Variants in SHISAL1 observed in about 807,000 individuals in gnomAD.
The protein encoded by SHISAL1 is protein shisa-like-1.
SHISAL1 carries 9 observed loss-of-function variants against 22.6 expected under a neutral mutation model. That is an observed-to-expected ratio of 0.40 (90% CI 0.24 to 0.70). SHISAL1 has a LOEUF of 0.70. Ranked by LOEUF, SHISAL1 falls within the 30% of genes least tolerant of loss-of-function variation. The pLI is 0.39. For synonymous variants in SHISAL1, 119 were observed against 115.4 expected (o/e 1.03, Z -0.20); for missense variants, 246 against 270.6 (o/e 0.91, Z 0.64).
intron 4 of SHISAL1, among the ~76,000 whole-genome samples, chr22:44,269,603 C>T (rs1441862539): frequency 3.3e-5 from 5 of 149,612 alleles, no homozygotes; most frequent in Admixed American, 6.8e-5. Context: ...CACACACACA[C>T]GCCACACAGA....
intron 1 of SHISAL1, among the ~76,000 whole-genome samples, chr22:44,306,613 TC>T (rs2147308298): frequency 8.2e-6 from 1 of 121,624 alleles, no homozygotes; most frequent in Non-Finnish European, 1.7e-5. Context: ...GGAACTGGGC[TC>T]AAGGAGCTGT....
the SHISAL1 span, among the ~76,000 whole-genome samples, chr22:44,331,087 G>A: frequency 6.6e-6 from 1 of 152,110 alleles, no homozygotes; most frequent in East Asian, 1.9e-4. The surrounding 1 kb of genome is among the most constrained non-coding windows in gnomAD (Gnocchi z 5.2). Flanking sequence ...TCCGGTCCCG[G>A]CCGCCGCGTC....
chr22:44,313,065 C>T (rs907585597), upstream of SHISAL1, among the ~76,000 whole-genome samples: 5 of 152,208 alleles, frequency 3.3e-5, no homozygotes, highest in Non-Finnish European at 7.3e-5. Context: ...CGGCTGCTCC[C>T]GCAGTCCCCA....
At chr22:44,304,624 C>T (rs1370940705) in intron 1 of SHISAL1, among the ~76,000 whole-genome samples, 1 of 152,164 alleles carries the variant, frequency 6.6e-6, no homozygotes, top group Non-Finnish European at 1.5e-5. Context: ...GCCTGGGCCT[C>T]CTCCCAGCCT....
the SHISAL1 span, among the ~76,000 whole-genome samples, chr22:44,324,500 A>G: frequency 6.6e-6 from 1 of 152,222 alleles, no homozygotes. Flanking sequence ...AGTAACACAA[A>G]GTTGTTAACA....
At chr22:44,281,867 C>T (rs533646687) in intron 4 of SHISAL1, among the ~76,000 whole-genome samples, 9 of 152,234 alleles carry the variant, frequency 5.9e-5, no homozygotes, top group African/African-American at 1.4e-4. Context: ...CCACTCCTGA[C>T]GCCCCTGCTG....
At chr22:44,268,700 G>A (rs1483486402) in intron 4 of SHISAL1, among the ~76,000 whole-genome samples, 19 of 152,198 alleles carry the variant, frequency 1.2e-4, no homozygotes, top group Non-Finnish European at 2.2e-4. Flanking sequence ...GGGAAGGAGC[G>A]TGACCTCAGC....
rs908097904 is a variant in SHISAL1, at chr22:44,285,664, C to G, written c.363G>C (p.Ser121=). ...CCTTGCAGATGTCGTAGTTCATTGC[C>G]GAGTAATACAAAAGGTCCAGAACCA... ...MLLVLDLLYY[S]AMNYDICKVY... The change falls in exon 4 of 5, where the codon TCG becomes TCC. Residue 121 remains serine (S), a synonymous_variant. Transcript: ENST00000381176. 1.2e-6 allele frequency: 2 copies of G among 1,614,168 alleles called. No individual in the cohort carries two copies. The highest frequency in any genetic ancestry group is 3.3e-5 in the Admixed American group (2 of 60,032).
At chr22:44,297,190 C>T (rs1186135667) in intron 2 of SHISAL1, among the ~76,000 whole-genome samples, 1 of 152,226 alleles carries the variant, frequency 6.6e-6, no homozygotes, top group East Asian at 1.9e-4. Flanking sequence ...TGAGCACCTA[C>T]TGTATGCTTC....
At chr22:44,324,809 G>A in the SHISAL1 span, among the ~76,000 whole-genome samples, 4 of 152,156 alleles carry the variant, frequency 2.6e-5, no homozygotes, top group Non-Finnish European at 4.4e-5. Flanking sequence ...CTGAGGATAG[G>A]GCTCATCTCA....
chr22:44,317,400 G>T (rs2147317314), upstream of SHISAL1, among the ~76,000 whole-genome samples: 1 of 152,334 alleles, frequency 6.6e-6, no homozygotes, highest in South Asian at 2.1e-4. Flanking sequence ...AGGGAAACAG[G>T]TGCTTTCAAA....
At chr22:44,260,830 C>T (rs141104934) in intron 4 of SHISAL1, among the ~76,000 whole-genome samples, 39 of 152,174 alleles carry the variant, frequency 2.6e-4, no homozygotes, top group African/African-American at 7.5e-4. Flanking sequence ...TGACTTTGGC[C>T]GAGGCCTCCC....
upstream of SHISAL1, among the ~76,000 whole-genome samples, chr22:44,317,068 C>A (rs1216451651): frequency 6.6e-6 from 1 of 152,214 alleles, no homozygotes; most frequent in African/African-American, 2.4e-5. Context: ...AGCTCCCCAA[C>A]CCCTGACCTG....
At chr22:44,259,473 T>TAAAA (rs35901732) in intron 4 of SHISAL1, among the ~76,000 whole-genome samples, 3 of 142,012 alleles carry the variant, frequency 2.1e-5, no homozygotes, top group Admixed American at 2.1e-4. Flanking sequence ...TAAAAATTAT[T>TAAAA]AAAAAAAAAA....
At chr22:44,303,551 C>T (rs2055448131) in intron 1 of SHISAL1, among the ~76,000 whole-genome samples, 2 of 152,126 alleles carry the variant, frequency 1.3e-5, no homozygotes, top group South Asian at 4.1e-4. Context: ...GGAACAGATT[C>T]ACCCCTACAG....
chr22:44,265,066 T>C (rs1162090645), intron 4 of SHISAL1, among the ~76,000 whole-genome samples: 13 of 152,152 alleles, frequency 8.5e-5, no homozygotes, highest in Non-Finnish European at 4.4e-5. Context: ...TCCCCCCATC[T>C]GTAAAATGCG....
chr22:44,271,216 C>G (rs1163883570), intron 4 of SHISAL1, among the ~76,000 whole-genome samples: 2 of 152,148 alleles, frequency 1.3e-5, no homozygotes, highest in African/African-American at 2.4e-5. Flanking sequence ...CACAGCTGGG[C>G]AGCACAGAGT....
chr22:44,280,345 C>A (rs1418654075), intron 4 of SHISAL1, among the ~76,000 whole-genome samples: 1 of 152,050 alleles, frequency 6.6e-6, no homozygotes, highest in Non-Finnish European at 1.5e-5. Flanking sequence ...AACCATGGAT[C>A]TACTGTGTGG....
intron 3 of SHISAL1, among the ~76,000 whole-genome samples, chr22:44,295,519 GA>G (rs149292869): frequency 0.2 from 28,756 of 144,590 alleles, 2,995 homozygotes; most frequent in East Asian, 0.29. Context: ...AACCATAAAA[GA>G]AAAAAAAAAT....
Sources: gnomAD v4.1 joint callset for allele counts (sites outside exome capture counted in the v4.1 genomes callset) on GRCh38, gnomAD v4.1.1 for gene constraint, Gnocchi (gnomAD v3.1) non-coding constraint, MANE v1.5 for transcripts, NCBI Gene and HGNC (gene_info 2026-07-23, HGNC 2026-07-21) for gene names.